The following SORCS3 variants were observed in gnomAD, a reference collection of about 807,000 sequenced individuals.
The protein encoded by SORCS3 is sortilin related VPS10 domain containing receptor 3, also known as VPS10 domain-containing receptor SorCS3.
A neutral mutation model predicts 146.3 loss-of-function variants in SORCS3; 57 were observed. That is an observed-to-expected ratio of 0.39 (90% CI 0.31 to 0.49). SORCS3 has a LOEUF of 0.49. SORCS3 is among the 20% of genes least tolerant of loss of function. SORCS3 has a pLI of 0.92. For missense variants in SORCS3, 1,341 were observed against 1,575.5 expected, an observed-to-expected ratio of 0.85 and a Z score of 2.52; for synonymous variants, 653 against 618.5, an observed-to-expected ratio of 1.06 and a Z score of -0.83.
chr10:104,799,377 A>G (rs1284505707), intron 1 of SORCS3, among the ~76,000 whole-genome samples: 2 of 152,222 alleles, frequency 1.3e-5, no homozygotes, highest in African/African-American at 4.8e-5. Flanking sequence ...AAAAAGGATG[A>G]GTTCATGTCC....
intron 1 of SORCS3, among the ~76,000 whole-genome samples, chr10:104,792,179 T>G (rs1181551425): frequency 6.6e-6 from 1 of 152,150 alleles, no homozygotes; most frequent in Non-Finnish European, 1.5e-5. Flanking sequence ...CTCATGTTTT[T>G]GGGGTGGTTC....
chr10:105,188,265 CATG>C, intron 14 of SORCS3, among the ~76,000 whole-genome samples: 1 of 152,096 alleles, frequency 6.6e-6, no homozygotes, highest in South Asian at 2.1e-4. Flanking sequence ...TCAAATTTTT[CATG>C]ATGAGAGTGC....
chr10:104,718,949 G>C (rs957675862), intron 1 of SORCS3, among the ~76,000 whole-genome samples: 6 of 152,128 alleles, frequency 3.9e-5, no homozygotes, highest in Non-Finnish European at 8.8e-5. Flanking sequence ...AATATAACAT[G>C]TGCCACATCT....
chr10:105,262,806 A>G (rs1296212346), intron 26 of SORCS3, among the ~76,000 whole-genome samples: 2 of 152,200 alleles, frequency 1.3e-5, no homozygotes, highest in Admixed American at 1.3e-4. Context: ...TAATGATTAC[A>G]TGAATGTGGA....
At chr10:105,215,724 G>A (rs1467021823) in intron 18 of SORCS3, among the ~76,000 whole-genome samples, 1 of 152,036 alleles carries the variant, frequency 6.6e-6, no homozygotes, top group Middle Eastern at 3.4e-3. Flanking sequence ...GACATTGTGT[G>A]GGGGGCAAGA....
chr10:105,055,464 C>G (rs191603013), intron 5 of SORCS3, among the ~76,000 whole-genome samples: 1 of 152,154 alleles, frequency 6.6e-6, no homozygotes, highest in Non-Finnish European at 1.5e-5. Flanking sequence ...TGCATTTAAC[C>G]TTTGTGACCA....
rs2056984865 is a variant in SORCS3 at position 105,265,220 on chromosome 10, T to C, written c.*1846T>C. Reference sequence around the variant, plus strand: ...TGGTTTTGAAATTGTTGAAAATAAATGTATTTTTGTACATCAAAGCTACAT... The same window carrying C: ...TGGTTTTGAAATTGTTGAAAATAAACGTATTTTTGTACATCAAAGCTACAT... On this transcript the variant is annotated 3_prime_UTR_variant, in exon 27 of 27. Coordinates refer to ENST00000369701, the MANE Select transcript of SORCS3 (RefSeq NM_014978.3). 1 of 152,616 alleles carries C rather than the reference T, an allele frequency of 6.6e-6. No individual in the cohort carries two copies. The highest frequency in any genetic ancestry group is 2.4e-5 in the African/African-American group (1 of 41,460). The allele number at this position is 152,616 out of a possible 1,614,324, so 9.5% of individuals were successfully genotyped here. A position where few individuals can be genotyped will look rare whatever the true frequency, so the allele number is the denominator to read the frequency against.
At chr10:105,214,333 GTTTTGCTC>G (rs2056651893) in intron 17 of SORCS3, 101 bp from the exon 18 acceptor site, 21 of 1,234,100 alleles carry the variant, frequency 1.7e-5, no homozygotes, top group Non-Finnish European at 2.4e-5. Flanking sequence ...TGAAGCACCT[GTTTTGCTC>G]TTGCTCTCTT....
chr10:105,117,304 G>GC (rs1411052021), intron 7 of SORCS3, among the ~76,000 whole-genome samples: 3 of 152,106 alleles, frequency 2.0e-5, no homozygotes, highest in Non-Finnish European at 4.4e-5. Context: ...CTTGACTCAG[G>GC]CTTTACTTTT....
At chr10:104,862,495 C>A (rs1030677670) in intron 2 of SORCS3, among the ~76,000 whole-genome samples, 9 of 152,084 alleles carry the variant, frequency 5.9e-5, no homozygotes, top group African/African-American at 2.2e-4. Context: ...AAAATTTTTA[C>A]TTTATTCCTG....
chr10:105,122,549 C>T (rs1334266145), intron 7 of SORCS3, among the ~76,000 whole-genome samples: 3 of 152,118 alleles, frequency 2.0e-5, no homozygotes, highest in Admixed American at 6.6e-5. Context: ...ATTTAATAAT[C>T]TTGTATTGAG....
intron 1 of SORCS3, among the ~76,000 whole-genome samples, chr10:104,654,974 A>G (rs1422483331): frequency 6.6e-6 from 1 of 152,222 alleles, no homozygotes; most frequent in African/African-American, 2.4e-5. Context: ...AGTTTTAGGC[A>G]GGTTGCATTG....
intron 3 of SORCS3, among the ~76,000 whole-genome samples, chr10:104,941,949 G>C (rs2019324282): frequency 2.0e-5 from 3 of 152,198 alleles, no homozygotes; most frequent in African/African-American, 7.2e-5. Context: ...TGAGTCTGGA[G>C]TATTGAGAAA....
chr10:105,006,859 C>A (rs2055099329), intron 4 of SORCS3, among the ~76,000 whole-genome samples: 1 of 152,186 alleles, frequency 6.6e-6, no homozygotes. Flanking sequence ...CCTTATCCTG[C>A]TTTATTTTTC....
chr10:105,091,126 CT>C, intron 6 of SORCS3, among the ~76,000 whole-genome samples: 1 of 82,796 alleles, frequency 1.2e-5, no homozygotes, highest in South Asian at 4.4e-4. Context: ...TCCCTCCCTC[CT>C]TCCCTCCTTC....
intron 4 of SORCS3, among the ~76,000 whole-genome samples, chr10:105,011,116 A>C (rs2055133795): frequency 6.6e-6 from 1 of 152,182 alleles, no homozygotes; most frequent in African/African-American, 2.4e-5. Flanking sequence ...TGTTCTTTAG[A>C]TAGGAAACCA....
At chr10:105,097,547 GAACT>G (rs1564753132) in intron 6 of SORCS3, among the ~76,000 whole-genome samples, 1 of 152,200 alleles carries the variant, frequency 6.6e-6, no homozygotes, top group Non-Finnish European at 1.5e-5. Flanking sequence ...AAAAGTTGGA[GAACT>G]AACTGTCATT....
intron 5 of SORCS3, among the ~76,000 whole-genome samples, chr10:105,050,827 G>A (rs560909648): frequency 1.3e-5 from 2 of 152,160 alleles, no homozygotes; most frequent in South Asian, 2.1e-4. Context: ...CTGTCTACAC[G>A]TAGCCTCCTG....
chr10:104,762,716 A>G (rs1400637127), intron 1 of SORCS3, among the ~76,000 whole-genome samples: 1 of 152,102 alleles, frequency 6.6e-6, no homozygotes, highest in East Asian at 1.9e-4. Flanking sequence ...AAAGTGTGGC[A>G]CTTCCCCTTC....
Sources: gnomAD v4.1 joint callset for allele counts (sites outside exome capture counted in the v4.1 genomes callset) on GRCh38, gnomAD v4.1.1 for gene constraint, MANE v1.5 for transcripts, NCBI Gene and HGNC (gene_info 2026-07-23, HGNC 2026-07-21) for gene names.